The following ARMC6 variants were observed in gnomAD, a reference collection of about 807,000 sequenced individuals.
ARMC6 encodes the protein armadillo repeat-containing protein 6.
Under a neutral mutation model 49.2 loss-of-function variants are expected in ARMC6, and 43 were observed. That is an observed-to-expected ratio of 0.87 (90% CI 0.69 to 1.13). The LOEUF (loss-of-function observed/expected upper bound fraction) is 1.13, where lower values mean the gene tolerates loss of function less well. Among genes scored for constraint, ARMC6 ranks in the 50% most tolerant of loss-of-function variants. The pLI is 0.00. For synonymous variants in ARMC6, 262 were observed against 289.6 expected (o/e 0.90, Z 0.97); for missense variants, 627 against 682.0 (o/e 0.92, Z 0.90).
At position 19,055,202 on chromosome 19, in the gene ARMC6, C is replaced by T; in HGVS notation, c.1024-63C>T. The T allele has an allele frequency of 6.6e-7, 1 of 1,520,918 alleles. No individual in the cohort carries two copies. Among genetic ancestry groups the T allele is most frequent in the Non-Finnish European group, 8.8e-7 (1 of 1,135,834 alleles). The allele number at this position is 1,520,918 out of a possible 1,614,324, so 94.2% of individuals were successfully genotyped here. On this transcript the variant is annotated intron_variant, in intron 6 of 8. Coordinates refer to ENST00000535612, the MANE Select transcript of ARMC6 (RefSeq NM_001199196.2). The surrounding 1 kb of genome is among the most constrained non-coding windows in gnomAD (Gnocchi z 5.7). Reference sequence around the variant, plus strand: ...ACAGCAAAACAGCCCCACATTCTCCCTCAGAGCCCTCTCCCACAACCAGCG... The same window carrying T: ...ACAGCAAAACAGCCCCACATTCTCCTTCAGAGCCCTCTCCCACAACCAGCG...
intron 2 of ARMC6, among the ~76,000 whole-genome samples, chr19:19,035,711 T>C (rs980488695): frequency 2.2e-4 from 34 of 152,186 alleles, no homozygotes; most frequent in African/African-American, 8.2e-4. Flanking sequence ...CTGGAAGGGC[T>C]GGCAGAAGCT....
In ARMC6 at chr19:19,055,963, GTGTGGGA is replaced by G; in HGVS notation, c.1293+40_1293+46del. 1 of 1,589,580 alleles carries G rather than the reference GTGTGGGA, an allele frequency of 6.3e-7. No homozygotes were observed. Among genetic ancestry groups the G allele is most frequent in the Non-Finnish European group, 8.5e-7 (1 of 1,172,584 alleles). On this transcript the variant is annotated intron_variant, in intron 8 of 8. Coordinates refer to ENST00000535612, the MANE Select transcript of ARMC6 (RefSeq NM_001199196.2). This position sits in a 1 kb window ranked among gnomAD's most constrained non-coding sequence, Gnocchi z 5.7. ...GCAGGGGATGGGGGCAGGCAGGCTG[GTGTGGGA>G]TGTGCAGGTAGGTGCAGAGAGGGCA...
chr19:19,057,811 G>A lies in ARMC6; in HGVS notation c.*183G>A, dbSNP rs1231703957. ...CTTGTAGGGAGGCCTCTACACAGAA[G>A]AAAGCAGCCCCCATGTCCCAGCCAC... On this transcript the variant is annotated 3_prime_UTR_variant, in exon 9 of 9. Coordinates refer to ENST00000535612, the MANE Select transcript of ARMC6 (RefSeq NM_001199196.2). 6.4e-6 allele frequency: 5 copies of A among 779,360 alleles called. No individual in the cohort carries two copies. The highest frequency in any genetic ancestry group is 9.2e-6 in the Non-Finnish European group (4 of 436,550). The allele number at this position is 779,360 out of a possible 1,614,324, so 48.3% of individuals were successfully genotyped here. A position where few individuals can be genotyped will look rare whatever the true frequency, so the allele number is the denominator to read the frequency against.
chr19:19,042,395 C>T (rs953626194), intron 2 of ARMC6, among the ~76,000 whole-genome samples: 1 of 151,634 alleles, frequency 6.6e-6, no homozygotes, highest in Non-Finnish European at 1.5e-5. Flanking sequence ...GTGGCCCAGG[C>T]TGGAGTGTAG....
At position 19,056,009 on chromosome 19, in the gene ARMC6, G is replaced by A. The variant is rs373373188; in HGVS notation, c.1293+81G>A. 6.4e-4 allele frequency: 937 copies of A among 1,465,030 alleles called. 15 individuals are homozygous for A. In the South Asian group the frequency reaches 0.012, roughly 18 times the overall value. The allele number at this position is 1,465,030 out of a possible 1,614,324, so 90.8% of individuals were successfully genotyped here. On this transcript the variant is annotated intron_variant, in intron 8 of 8. Transcript: ENST00000535612. ...GCAGAGAGGGCATGGGAGCAGGTGC[G>A]GTGTGCGGGTGGGTGATGGGGCAAA...
chr19:19,046,659 G>A (rs1458240057), intron 4 of ARMC6, among the ~76,000 whole-genome samples: 1 of 149,806 alleles, frequency 6.7e-6, no homozygotes, highest in Non-Finnish European at 1.5e-5. Flanking sequence ...CACGCCCAGC[G>A]GATTTTTGTA....
intron 4 of ARMC6, among the ~76,000 whole-genome samples, chr19:19,049,262 A>C (rs1599643864): frequency 6.6e-6 from 1 of 152,130 alleles, no homozygotes; most frequent in East Asian, 1.9e-4. Context: ...CACGTTGCCC[A>C]GGCTGGTCTT....
chr19:19,035,052 G>T (rs1049383960), intron 2 of ARMC6, among the ~76,000 whole-genome samples: 1 of 152,156 alleles, frequency 6.6e-6, no homozygotes, highest in Admixed American at 6.5e-5. Context: ...TTTTAGTAGA[G>T]ACGGGGTTTC....
At chr19:19,045,010 A>G (rs1256116822) in intron 4 of ARMC6, among the ~76,000 whole-genome samples, 5 of 151,918 alleles carry the variant, frequency 3.3e-5, no homozygotes, top group East Asian at 1.9e-4. Flanking sequence ...TTTATTATAT[A>G]TATATTTATT....
chr19:19,057,207 T>A (rs1166925648), intron 8 of ARMC6, among the ~76,000 whole-genome samples: 1 of 152,252 alleles, frequency 6.6e-6, no homozygotes, highest in African/African-American at 2.4e-5. Flanking sequence ...TCCCTGAGCC[T>A]GTTTCCTTGC....
chr19:19,044,135 CCT>C, intron 4 of ARMC6, 61 bp downstream of exon 4: 2 of 1,498,614 alleles, frequency 1.3e-6, no homozygotes, highest in Admixed American at 3.4e-5. Context: ...GCACCTCTTC[CCT>C]GTTTCCTGGA....
chr19:19,048,375 T>G (rs1319799418), intron 4 of ARMC6, among the ~76,000 whole-genome samples: 3 of 151,616 alleles, frequency 2.0e-5, no homozygotes, highest in African/African-American at 7.3e-5. Flanking sequence ...AAACAAAAAT[T>G]AGCTGGGCAT....
At chr19:19,035,647 G>A (rs2145839085) in intron 2 of ARMC6, among the ~76,000 whole-genome samples, 1 of 152,278 alleles carries the variant, frequency 6.6e-6, no homozygotes, top group East Asian at 1.9e-4. Context: ...GTTGTGGGTT[G>A]GGGAGTGAAG....
Position 19,051,676 on chromosome 19 carries a change from G to A in ARMC6, c.334G>A (p.Ala112Thr). 6.2e-7 allele frequency: 1 copy of A among 1,613,530 alleles called. No individual in the cohort carries two copies. The highest frequency in any genetic ancestry group is 8.5e-7 in the Non-Finnish European group (1 of 1,179,842). ...CAGCTCTCGCCCCCAGGAGGTGTCAGCATACCTCACCCGCTTCTGCGACCA... is the reference window on the plus strand; with the variant it reads ...CAGCTCTCGCCCCCAGGAGGTGTCAACATACCTCACCCGCTTCTGCGACCA... ...VASSRPQEVS[A>T]YLTRFCDQCK... The change falls in exon 5 of 9, where the codon GCA (alanine) becomes ACA (threonine). Residue 112 changes from alanine (A) to threonine (T), a missense_variant. Transcript: ENST00000535612.
At chr19:19,054,470 G>A (rs1221600664) in intron 6 of ARMC6, 149 bp downstream of exon 6, 2 of 816,634 alleles carry the variant, frequency 2.4e-6, no homozygotes, top group Admixed American at 7.9e-5. Flanking sequence ...GGAACCAAAG[G>A]TCGGGGGGGA....
At position 19,055,370 on chromosome 19, in the gene ARMC6, A is replaced by C. The variant is rs537896032; in HGVS notation, c.1129A>C (p.Met377Leu). 1 of 1,611,824 alleles carries C rather than the reference A, an allele frequency of 6.2e-7. No individual in the cohort carries two copies. Among genetic ancestry groups the C allele is most frequent in the Admixed American group, 1.7e-5 (1 of 59,580 alleles). ...AGGTESIVAA[M>L]TQHLTSPQVC... ...TGGGACGGAGTCCATCGTGGCTGCTATGACCCAGCATCTGACCAGCCCCCA... is the reference window on the plus strand; with the variant it reads ...TGGGACGGAGTCCATCGTGGCTGCTCTGACCCAGCATCTGACCAGCCCCCA... The change falls in exon 7 of 9, where the codon ATG becomes CTG. Residue 377 changes from methionine to leucine, a missense_variant. Coordinates refer to ENST00000535612, the MANE Select transcript of ARMC6 (RefSeq NM_001199196.2). This position sits in a 1 kb window ranked among gnomAD's most constrained non-coding sequence, Gnocchi z 5.7.
intron 2 of ARMC6, among the ~76,000 whole-genome samples, chr19:19,037,871 C>T (rs1229456322): frequency 2.0e-5 from 3 of 152,180 alleles, no homozygotes; most frequent in Non-Finnish European, 2.9e-5. Flanking sequence ...GCAGGGGTCC[C>T]CAATTCCTGG....
rs76236499 is a variant in ARMC6, at chr19:19,050,033, A to AT, written c.280-1581dup. 1.3e-4 allele frequency among the ~76,000 whole-genome samples: 20 copies of AT among 151,958 alleles called. 1 individual carries two copies. Among genetic ancestry groups the AT allele is most frequent in the South Asian group, 8.3e-4 (4 of 4,806 alleles). On this transcript the variant is annotated intron_variant, in intron 4 of 8. Coordinates refer to ENST00000535612, the MANE Select transcript of ARMC6 (RefSeq NM_001199196.2). The stretch of plus-strand genomic sequence containing the variant: ...AGGAAGACTCCATCTAAAAAAAAAA[A>AT]TTTTTTTTAAATAAATGGAATCACA...
rs200115218 is a variant in ARMC6, at chr19:19,054,274, C to G, written c.976C>G (p.Leu326Val). 111 of 1,609,488 alleles carry G rather than the reference C, an allele frequency of 6.9e-5. No individual in the cohort carries two copies. The highest frequency in any genetic ancestry group is 8.2e-5 in the Non-Finnish European group (97 of 1,178,024). Residue 326 changes from leucine to valine, a missense_variant, in exon 6 of 9, where the codon CTA becomes GTA. Coordinates refer to ENST00000535612, the MANE Select transcript of ARMC6 (RefSeq NM_001199196.2). ...LGGLSILVSL[L>V]ADCNDHQMRD... The stretch of plus-strand genomic sequence containing the variant: ...GGGCCTGAGCATTCTGGTGTCCCTG[C>G]TAGCCGACTGCAATGACCACCAGAT...
Sources: gnomAD v4.1 joint callset for allele counts (sites outside exome capture counted in the v4.1 genomes callset) on GRCh38, gnomAD v4.1.1 for gene constraint, Gnocchi (gnomAD v3.1) non-coding constraint, MANE v1.5 for transcripts, NCBI Gene and HGNC (gene_info 2026-07-23, HGNC 2026-07-21) for gene names.